The following LINGO2 variants were observed in gnomAD, a reference collection of about 807,000 sequenced individuals.
LINGO2 encodes leucine-rich repeat and immunoglobulin-like domain-containing nogo receptor-interacting protein 2.
Under a neutral mutation model 30.6 loss-of-function variants are expected in LINGO2, and 14 were observed. The ratio of observed to expected loss-of-function variants is 0.46; its 90% CI spans 0.30 to 0.72. The LOEUF (loss-of-function observed/expected upper bound fraction) is 0.72, where lower values mean the gene tolerates loss of function less well. Among genes scored for constraint, LINGO2 ranks in the 30% least tolerant of loss-of-function variants. LINGO2 has a pLI of 0.07. For missense variants in LINGO2, 729 were observed against 751.7 expected (o/e 0.97, Z 0.35); for synonymous variants, 317 against 288.5 (o/e 1.10, Z -1.00).
chr9:28,198,950 A>G (rs1820115730), intron 4 of LINGO2, among the ~76,000 whole-genome samples: 1 of 152,216 alleles, frequency 6.6e-6, no homozygotes, highest in Non-Finnish European at 1.5e-5. Context: ...AAAGTCTGGC[A>G]ATTCTTTTCA....
At chr9:28,151,470 T>A (rs1274220165) in intron 4 of LINGO2, among the ~76,000 whole-genome samples, 11 of 151,888 alleles carry the variant, frequency 7.2e-5, no homozygotes, top group Admixed American at 7.2e-4. Context: ...AAAGGTCATA[T>A]GATATTTAGA....
chr9:28,716,016 T>C, the LINGO2 span, among the ~76,000 whole-genome samples: 3 of 152,024 alleles, frequency 2.0e-5, no homozygotes, highest in Non-Finnish European at 4.4e-5. Context: ...GATACCTTTA[T>C]ACAGGCATCG....
chr9:28,103,512 G>T (rs1192522332), intron 4 of LINGO2, among the ~76,000 whole-genome samples: 1 of 152,086 alleles, frequency 6.6e-6, no homozygotes, highest in Non-Finnish European at 1.5e-5. Context: ...GCTGGAAGAT[G>T]AAAGACACAT....
intron 4 of LINGO2, among the ~76,000 whole-genome samples, chr9:28,163,245 T>C (rs147441778): frequency 2.6e-5 from 4 of 152,038 alleles, no homozygotes; most frequent in African/African-American, 9.7e-5. Flanking sequence ...TGAGGAGGCA[T>C]TGAAAGAAGG....
chr9:28,683,132 T>C, the LINGO2 span, among the ~76,000 whole-genome samples: 1 of 152,200 alleles, frequency 6.6e-6, no homozygotes, highest in Non-Finnish European at 1.5e-5. Context: ...GTTTTCTTAA[T>C]GTACCCAAAT....
the LINGO2 span, among the ~76,000 whole-genome samples, chr9:29,034,494 T>C: frequency 1.1e-4 from 17 of 152,236 alleles, no homozygotes; most frequent in Non-Finnish European, 2.2e-4. Context: ...AAGATAGGAA[T>C]TGAAAATTAA....
intron 5 of LINGO2, among the ~76,000 whole-genome samples, chr9:27,993,784 G>T (rs1821516296): frequency 6.6e-6 from 1 of 151,820 alleles, no homozygotes; most frequent in African/African-American, 2.4e-5. Flanking sequence ...CTAGTAAATG[G>T]CTGCAAACAT....
At chr9:27,949,996 G>A in exon 6 of LINGO2, 2 of 1,613,996 alleles carry the variant, frequency 1.2e-6, no homozygotes, top group Non-Finnish European at 1.7e-6. Context: ...TGTTTCAGGT[G>A]GAACAATCTT....
intron 1 of LINGO2, among the ~76,000 whole-genome samples, chr9:28,491,456 A>G (rs953482609): frequency 1.3e-5 from 2 of 152,150 alleles, no homozygotes; most frequent in Non-Finnish European, 2.9e-5. Context: ...ATGTTACCAA[A>G]TAGAGTAACA....
chr9:28,901,951 A>C, the LINGO2 span, among the ~76,000 whole-genome samples: 1 of 152,160 alleles, frequency 6.6e-6, no homozygotes, highest in East Asian at 1.9e-4. Context: ...GTATTTTGGG[A>C]GGCCAAAGCA....
At chr9:29,210,875 C>A in the LINGO2 span, among the ~76,000 whole-genome samples, 1 of 151,648 alleles carries the variant, frequency 6.6e-6, no homozygotes, top group Non-Finnish European at 1.5e-5. Context: ...TTTTTTTCTT[C>A]CTCACACTCC....
chr9:28,122,991 T>C (rs893491576), intron 4 of LINGO2, among the ~76,000 whole-genome samples: 3 of 152,256 alleles, frequency 2.0e-5, no homozygotes, highest in Non-Finnish European at 4.4e-5. Flanking sequence ...ATTTCTTTTA[T>C]GTTTTTGTTT....
the LINGO2 span, among the ~76,000 whole-genome samples, chr9:28,848,157 CA>C: frequency 2.0e-4 from 16 of 79,270 alleles, no homozygotes; most frequent in African/African-American, 8.5e-4. Flanking sequence ...TATATATACG[CA>C]TATATAGTGT....
chr9:28,304,084 T>C (rs1027616298), intron 3 of LINGO2, among the ~76,000 whole-genome samples: 2 of 152,056 alleles, frequency 1.3e-5, no homozygotes, highest in African/African-American at 4.8e-5. Flanking sequence ...CAAGCTTCTT[T>C]ATTCCTCTCC....
the LINGO2 span, among the ~76,000 whole-genome samples, chr9:28,955,733 A>G: frequency 6.6e-6 from 1 of 152,178 alleles, no homozygotes; most frequent in African/African-American, 2.4e-5. Context: ...ATAATAGGGA[A>G]TTGCCACTGG....
At chr9:28,600,017 T>C (rs1825395526) in intron 1 of LINGO2, among the ~76,000 whole-genome samples, 1 of 152,132 alleles carries the variant, frequency 6.6e-6, no homozygotes, top group Non-Finnish European at 1.5e-5. Flanking sequence ...CAAAATGCTT[T>C]TGAAAATGGC....
chr9:28,956,620 C>A, the LINGO2 span, among the ~76,000 whole-genome samples: 2 of 95,728 alleles, frequency 2.1e-5, no homozygotes, highest in African/African-American at 4.1e-5. Context: ...CCCTCCCACC[C>A]TCCCTCCCTC....
intron 4 of LINGO2, among the ~76,000 whole-genome samples, chr9:28,176,122 C>G (rs536523232): frequency 6.6e-6 from 1 of 152,326 alleles, no homozygotes; most frequent in Admixed American, 6.5e-5. Flanking sequence ...TATTCACATA[C>G]AATCTTCAAA....
intron 4 of LINGO2, among the ~76,000 whole-genome samples, chr9:28,268,251 T>C (rs1313459256): frequency 6.6e-6 from 1 of 152,082 alleles, no homozygotes; most frequent in Admixed American, 6.6e-5. Flanking sequence ...GAGAGGATGA[T>C]GTCTGGTTAA....
Sources: allele counts gnomAD v4.1 joint callset (sites outside exome capture counted in the v4.1 genomes callset), GRCh38; gene constraint gnomAD v4.1.1; transcripts MANE v1.5; gene names NCBI Gene and HGNC (gene_info 2026-07-23, HGNC 2026-07-21).